JAZF1: variants seen among roughly 807,000 people sequenced by gnomAD.
JAZF1 encodes JAZF zinc finger 1.
Under a neutral mutation model 26.4 loss-of-function variants are expected in JAZF1, and 8 were observed. That is an observed-to-expected ratio of 0.30 (90% CI 0.18 to 0.55). The LOEUF (loss-of-function observed/expected upper bound fraction) is 0.55. Ranked by LOEUF, JAZF1 falls within the 20% of genes least tolerant of loss-of-function variation. JAZF1 has a pLI of 0.94. For missense variants in JAZF1, 199 were observed against 322.0 expected (o/e 0.62, Z 2.92); for synonymous variants, 126 against 122.3 (o/e 1.03, Z -0.20).
intron 1 of JAZF1, among the ~76,000 whole-genome samples, chr7:28,017,402 T>G (rs1394808425): frequency 1.3e-5 from 2 of 151,892 alleles, no homozygotes; most frequent in Admixed American, 6.5e-5. Flanking sequence ...TTTTGTTTCC[T>G]CTTCAGCTAG....
chr7:28,103,008 C>A (rs998945567), intron 1 of JAZF1, among the ~76,000 whole-genome samples: 4 of 152,190 alleles, frequency 2.6e-5, no homozygotes, highest in African/African-American at 9.6e-5. Context: ...AGTCACTCAT[C>A]TTGGGCCTCA....
chr7:28,165,190 A>C (rs777756442), intron 1 of JAZF1, among the ~76,000 whole-genome samples: 11 of 152,130 alleles, frequency 7.2e-5, no homozygotes, highest in Non-Finnish European at 1.2e-4. Context: ...ACAAAAACAA[A>C]ACAAAAACAA....
chr7:28,073,359 C>A (rs1043994237), intron 1 of JAZF1, among the ~76,000 whole-genome samples: 1 of 152,032 alleles, frequency 6.6e-6, no homozygotes, highest in Non-Finnish European at 1.5e-5. Flanking sequence ...TCAGATTTGC[C>A]CTGGAGTGTG....
At chr7:28,077,489 C>CA (rs1046289298) in intron 1 of JAZF1, among the ~76,000 whole-genome samples, 1 of 149,842 alleles carries the variant, frequency 6.7e-6, no homozygotes, top group East Asian at 1.9e-4. Context: ...GGTATAACCA[C>CA]AAAAAAAGGC....
At chr7:28,078,622 T>C (rs1033613318) in intron 1 of JAZF1, among the ~76,000 whole-genome samples, 1 of 152,208 alleles carries the variant, frequency 6.6e-6, no homozygotes, top group Non-Finnish European at 1.5e-5. Flanking sequence ...AAATATACAA[T>C]TCAAAGGATC....
chr7:28,100,329 G>A (rs537926915), intron 1 of JAZF1, among the ~76,000 whole-genome samples: 84 of 152,056 alleles, frequency 5.5e-4, no homozygotes, highest in Non-Finnish European at 9.1e-4. Context: ...CTCTGAGCTC[G>A]CCTAAAACTT....
intron 1 of JAZF1, among the ~76,000 whole-genome samples, chr7:28,145,782 T>G (rs991815934): frequency 1.6e-4 from 25 of 152,108 alleles, no homozygotes; most frequent in African/African-American, 5.8e-4. Flanking sequence ...TCGTACAATC[T>G]CCTTCCCCCA....
At chr7:28,028,563 AT>A (rs1783131147) in intron 1 of JAZF1, among the ~76,000 whole-genome samples, 1 of 152,188 alleles carries the variant, frequency 6.6e-6, no homozygotes, top group African/African-American at 2.4e-5. Flanking sequence ...AAGCAAAACC[AT>A]CCACCCCAGG....
intron 2 of JAZF1, among the ~76,000 whole-genome samples, chr7:27,989,620 A>G (rs4492256): frequency 0.26 from 39,166 of 152,156 alleles, 5,416 homozygotes; most frequent in East Asian, 0.5. Flanking sequence ...AAAAGTGGGC[A>G]AAGTGTATGA....
Position 27,927,018 on chromosome 7 carries a change from C to T in JAZF1, c.189-31602G>A, listed in dbSNP as rs190247602. Among the ~76,000 whole-genome samples, 15 of 152,338 alleles carry T rather than the reference C, an allele frequency of 9.8e-5. No homozygotes were observed. The East Asian group carries it at 2.7e-3, about 27-fold the overall frequency. ...TTCTTCATTTGTATGGACAGACATA[C>T]TCCTCCCTTCCATCTTCATGGTGTT... is the stretch of plus-strand genomic sequence containing the variant. On this transcript the variant is annotated intron_variant, in intron 2 of 4. Transcript: ENST00000283928.
At chr7:28,080,109 G>C (rs1309506631) in intron 1 of JAZF1, among the ~76,000 whole-genome samples, 1 of 152,220 alleles carries the variant, frequency 6.6e-6, no homozygotes, top group Non-Finnish European at 1.5e-5. Flanking sequence ...AGATCTTCTG[G>C]ATAAATTGTT....
intron 1 of JAZF1, among the ~76,000 whole-genome samples, chr7:28,010,123 T>TTATCCTGTTTGCCTTTCTG (rs1192774087): frequency 6.6e-6 from 1 of 152,236 alleles, no homozygotes; most frequent in Admixed American, 6.5e-5. Flanking sequence ...TTGGTTCTGA[T>TTATCCTGTTTGCCTTTCTG]TATCCTGTTT....
At chr7:27,866,115 C>A (rs1783468305) in intron 3 of JAZF1, among the ~76,000 whole-genome samples, 1 of 152,234 alleles carries the variant, frequency 6.6e-6, no homozygotes, top group East Asian at 1.9e-4. Context: ...GTGAGGGCAG[C>A]ACTGCCGGCA....
rs1179446779 is a variant in JAZF1 at position 28,140,105 on chromosome 7, C to T, written c.115+40358G>A. 5.3e-4 allele frequency among the ~76,000 whole-genome samples: 74 copies of T among 140,818 alleles called. 1 individual carries two copies. The highest frequency in any genetic ancestry group is 4.0e-3 in the Middle Eastern group (1 of 250). 92.4% of individuals were successfully genotyped at this position (140,818 alleles called of 152,430 possible). ...AATCTTTTTTTTTTTTTTTTTGAGA[C>T]GGAGTTTCACTCTGTCACCCAGGCT... is the stretch of plus-strand genomic sequence containing the variant. On this transcript the variant is annotated intron_variant, in intron 1 of 4. Coordinates refer to ENST00000283928, the MANE Select transcript of JAZF1 (RefSeq NM_175061.4).
chr7:27,882,028 A>G (rs1783780230), intron 3 of JAZF1, among the ~76,000 whole-genome samples: 1 of 152,222 alleles, frequency 6.6e-6, no homozygotes, highest in African/African-American at 2.4e-5. Flanking sequence ...CTCAGGCTGT[A>G]AGGAAACATC....
At chr7:28,066,871 CT>C (rs1336964379) in intron 1 of JAZF1, among the ~76,000 whole-genome samples, 1 of 152,052 alleles carries the variant, frequency 6.6e-6, no homozygotes, top group African/African-American at 2.4e-5. Context: ...GATGAATGGT[CT>C]TTTTAAGAAA....
At chr7:28,115,132 C>T (rs1784722063) in intron 1 of JAZF1, among the ~76,000 whole-genome samples, 1 of 152,128 alleles carries the variant, frequency 6.6e-6, no homozygotes, top group African/African-American at 2.4e-5. Flanking sequence ...GGCAGACATG[C>T]TGACTGTGGA....
chr7:27,867,622 G>A (rs1268661486), intron 3 of JAZF1, among the ~76,000 whole-genome samples: 1 of 152,256 alleles, frequency 6.6e-6, no homozygotes, highest in East Asian at 1.9e-4. Flanking sequence ...TTTCAATCTG[G>A]TAAAACGTTA....
At chr7:28,073,314 T>C (rs1050100242) in intron 1 of JAZF1, among the ~76,000 whole-genome samples, 1 of 152,278 alleles carries the variant, frequency 6.6e-6, no homozygotes, top group African/African-American at 2.4e-5. Flanking sequence ...CTGTTGTTTG[T>C]AGGGCTCTTT....
Sources: allele counts gnomAD v4.1 joint callset (sites outside exome capture counted in the v4.1 genomes callset), GRCh38; gene constraint gnomAD v4.1.1; transcripts MANE v1.5; gene names NCBI Gene and HGNC (gene_info 2026-07-23, HGNC 2026-07-21).